PCDHGA7: variants seen among roughly 807,000 people sequenced by gnomAD.
The protein encoded by PCDHGA7 is protocadherin gamma subfamily A, 7, also known as protocadherin gamma-A7.
PCDHGA7 carries 44 observed loss-of-function variants against 58.3 expected under a neutral mutation model. The ratio of observed to expected loss-of-function variants is 0.75; its 90% CI spans 0.59 to 0.97. The LOEUF (loss-of-function observed/expected upper bound fraction) is 0.97, where lower values mean the gene tolerates loss of function less well. Among genes scored for constraint, PCDHGA7 ranks in the 50% least tolerant of loss-of-function variants. PCDHGA7 has a pLI of 0.00. For synonymous variants in PCDHGA7, 516 were observed against 504.2 expected (o/e 1.02, Z -0.31); for missense variants, 1,266 against 1,188.7 (o/e 1.06, Z -0.96).
At chr5:141,410,560 A>C (rs769354927) in intron 1 of PCDHGA7, 42 of 1,612,824 alleles carry the variant, frequency 2.6e-5, no homozygotes, top group Non-Finnish European at 3.5e-5. Context: ...TTTCTCCTGG[A>C]GCCTTAATTC....
rs375469126 is a variant in PCDHGA7 at position 141,405,300 on chromosome 5, A to G, written c.2424+19977A>G. 207 of 1,614,206 alleles carry G rather than the reference A, an allele frequency of 1.3e-4. No homozygotes were observed. Among genetic ancestry groups the G allele is most frequent in the Non-Finnish European group, 1.6e-4 (193 of 1,180,010 alleles). On this transcript the variant is annotated intron_variant, in intron 1 of 3. Transcript: ENST00000518325. Reference sequence around the variant, plus strand: ...TATGCAGACACACTCATCAGCCAGCAGAGCTGTGAGAAAAATGAGCCTTTG... The same window carrying G: ...TATGCAGACACACTCATCAGCCAGCGGAGCTGTGAGAAAAATGAGCCTTTG...
intron 1 of PCDHGA7, chr5:141,426,692 C>T: frequency 2.3e-6 from 1 of 435,472 alleles, no homozygotes; most frequent in Non-Finnish European, 4.7e-6. Flanking sequence ...CCCAAAATAG[C>T]ATTGTTTTAC....
intron 1 of PCDHGA7, among the ~76,000 whole-genome samples, chr5:141,446,022 T>C (rs2098484874): frequency 1.3e-5 from 2 of 152,198 alleles, no homozygotes; most frequent in Admixed American, 1.3e-4. Flanking sequence ...TATGGCAATA[T>C]TCCTGGTAAG....
chr5:141,453,021 A>G (rs1008711775), intron 1 of PCDHGA7, among the ~76,000 whole-genome samples: 1 of 152,200 alleles, frequency 6.6e-6, no homozygotes, highest in Non-Finnish European at 1.5e-5. Context: ...TATGTGATTC[A>G]TTAAAATAAA....
rs372827164 is a variant in PCDHGA7, at chr5:141,394,334, C to T, written c.2424+9011C>T. On this transcript the variant is annotated intron_variant, in intron 1 of 3. Coordinates refer to ENST00000518325, the MANE Select transcript of PCDHGA7 (RefSeq NM_018920.4). The stretch of plus-strand genomic sequence containing the variant: ...CGCCCCTGTCCTCGTATATCTCCAT[C>T]AACTCTGACACCGGTGTCCTGTATG... The T allele has an allele frequency of 1.2e-3, 1,991 of 1,614,118 alleles. 3 individuals carry two copies. The highest frequency in any genetic ancestry group is 1.6e-3 in the Non-Finnish European group (1,898 of 1,179,978).
chr5:141,399,203 G>C, intron 1 of PCDHGA7: 1 of 1,613,940 alleles, frequency 6.2e-7, no homozygotes, highest in Middle Eastern at 1.6e-4. Context: ...GCGGTGCCTG[G>C]AACACTAATT....
At chr5:141,452,370 G>A (rs2098739834) in intron 1 of PCDHGA7, among the ~76,000 whole-genome samples, 1 of 152,136 alleles carries the variant, frequency 6.6e-6, no homozygotes, top group Non-Finnish European at 1.5e-5. Flanking sequence ...CTTCATTTTA[G>A]TAGGGAATAG....
In PCDHGA7 at chr5:141,512,494, C is replaced by T. The variant is rs2099884262; in HGVS notation, c.*1321C>T. The T allele has an allele frequency of 6.5e-6, 1 of 152,894 alleles. No individual in the cohort carries two copies. Among genetic ancestry groups the T allele is most frequent in the Admixed American group, 6.5e-5 (1 of 15,282 alleles). The allele number at this position is 152,894 out of a possible 1,614,324, so 9.5% of individuals were successfully genotyped here. Reference sequence around the variant, plus strand: ...CTTCCGTGAAGGCCACTGCCCAGGTCCCCAGTGCGCCCCCTAGTGGCCATA... The same window carrying T: ...CTTCCGTGAAGGCCACTGCCCAGGTTCCCAGTGCGCCCCCTAGTGGCCATA... On this transcript the variant is annotated 3_prime_UTR_variant, in exon 4 of 4. Transcript: ENST00000518325.
In PCDHGA7 at chr5:141,383,985, T is replaced by C. The variant is rs924124642; in HGVS notation, c.1086T>C (p.Leu362=). The C allele has an allele frequency of 6.2e-7, 1 of 1,613,822 alleles. No homozygotes were observed. The highest frequency in any genetic ancestry group is 1.3e-5 in the African/African-American group (1 of 75,054). The change falls in exon 1 of 4, where the codon CTT becomes CTC. Residue 362 remains leucine (L), a synonymous_variant. Coordinates refer to ENST00000518325, the MANE Select transcript of PCDHGA7 (RefSeq NM_018920.4). ...GCTCAATCCCTGAAGACACACCTCT[T>C]GGGACAGTCATTGCTCTTTTCTACC... The part of the protein sequence containing the change: ...LSSSIPEDTP[L]GTVIALFYLQ...
intron 1 of PCDHGA7, among the ~76,000 whole-genome samples, chr5:141,454,250 C>T (rs1453631901): frequency 6.6e-6 from 1 of 151,974 alleles, no homozygotes; most frequent in African/African-American, 2.4e-5. Context: ...TGAAGATGTC[C>T]CAGAGAAAGT....
At chr5:141,398,511 C>A in intron 1 of PCDHGA7, 1 of 1,595,066 alleles carries the variant, frequency 6.3e-7, no homozygotes, top group Non-Finnish European at 8.5e-7. Flanking sequence ...ACATTAATGA[C>A]CACACGCCAA....
intron 1 of PCDHGA7, chr5:141,441,824 G>A (rs1561905347): frequency 5.6e-6 from 2 of 356,750 alleles, no homozygotes; most frequent in South Asian, 4.7e-5. Flanking sequence ...GCTCTGGAGC[G>A]CAATGGCTTC....
At chr5:141,424,698 T>G (rs1214214315) in intron 1 of PCDHGA7, 1 of 152,228 alleles carries the variant, frequency 6.6e-6, no homozygotes, top group Non-Finnish European at 1.5e-5. Context: ...GCTATTTTTT[T>G]GTTCATTTTC....
chr5:141,409,818 C>T (rs1027344375), intron 1 of PCDHGA7: 2 of 1,610,918 alleles, frequency 1.2e-6, no homozygotes, highest in Non-Finnish European at 1.7e-6. Context: ...GACCACGGCT[C>T]GCCCACGCTC....
chr5:141,385,518 A>G, intron 1 of PCDHGA7, 195 bp downstream of exon 1: 20 of 1,366,294 alleles, frequency 1.5e-5, no homozygotes, highest in East Asian at 5.4e-5. Context: ...GTGAAAGCCT[A>G]TGGACAAGAT....
At chr5:141,427,861 T>G (rs776215800) in intron 1 of PCDHGA7, 2 of 1,556,958 alleles carry the variant, frequency 1.3e-6, no homozygotes, top group Admixed American at 1.7e-5. Flanking sequence ...CTGTGCGCCT[T>G]CGAGCTCACG....
At chr5:141,389,355 G>C in intron 1 of PCDHGA7, 2 of 1,613,950 alleles carry the variant, frequency 1.2e-6, no homozygotes, top group Non-Finnish European at 1.7e-6. Flanking sequence ...CTGCATCATG[G>C]CCAGTGACCT....
chr5:141,396,830 G>A (rs1014090361), intron 1 of PCDHGA7, among the ~76,000 whole-genome samples: 1 of 152,198 alleles, frequency 6.6e-6, no homozygotes, highest in African/African-American at 2.4e-5. Context: ...TGCATATTCA[G>A]TGGAGTGGGA....
rs1554116817 is a variant in PCDHGA7 at position 141,423,755 on chromosome 5, G to GGC, written c.2424+38433_2424+38434insCG. 3 of 512,420 alleles carry GGC rather than the reference G, an allele frequency of 5.9e-6. No individual in the cohort carries two copies. The African/African-American group carries it at 8.1e-5, about 14-fold the overall frequency. 31.7% of individuals were successfully genotyped at this position (512,420 alleles called of 1,614,324 possible). A position where few individuals can be genotyped will look rare whatever the true frequency, so the allele number is the denominator to read the frequency against. On this transcript the variant is annotated intron_variant, in intron 1 of 3. Coordinates refer to ENST00000518325, the MANE Select transcript of PCDHGA7 (RefSeq NM_018920.4). ...AGCCTGTTATGAAAACTGTTTGGGGGGGGGGTGGGGCGGCATATATTTAGT... is the reference window on the plus strand; with the variant it reads ...AGCCTGTTATGAAAACTGTTTGGGGGGCGGGGGTGGGGCGGCATATATTTAGT...
Sources: allele counts gnomAD v4.1 joint callset (sites outside exome capture counted in the v4.1 genomes callset), GRCh38; gene constraint gnomAD v4.1.1; transcripts MANE v1.5; gene names NCBI Gene and HGNC (gene_info 2026-07-23, HGNC 2026-07-21).